The following DPP4 variants were observed in gnomAD, a reference collection of about 807,000 sequenced individuals.
The protein encoded by DPP4 is dipeptidyl peptidase 4.
Under a neutral mutation model 122.4 loss-of-function variants are expected in DPP4, and 93 were observed. The ratio of observed to expected loss-of-function variants is 0.76; its 90% CI spans 0.64 to 0.90. The LOEUF is 0.90. Among genes scored for constraint, DPP4 ranks in the 40% least tolerant of loss-of-function variants. DPP4 has a pLI of 0.00. For synonymous variants in DPP4, 321 were observed against 302.9 expected (o/e 1.06, Z -0.62); for missense variants, 914 against 907.3 (o/e 1.01, Z -0.09).
intron 10 of DPP4, chr2:162,032,374 T>C (rs998610127): frequency 6.6e-6 from 1 of 152,260 alleles, no homozygotes; most frequent in Non-Finnish European, 1.5e-5. Flanking sequence ...GAGTACTCAA[T>C]GTATGCTAGT....
At chr2:162,005,704 A>T in intron 23 of DPP4, 41 bp downstream of exon 23, 3 of 1,538,100 alleles carry the variant, frequency 2.0e-6, no homozygotes, top group Non-Finnish European at 2.7e-6. Flanking sequence ...TAAACCACTT[A>T]TAAATAGGTT....
chr2:162,052,942 G>A (rs780532490), intron 2 of DPP4, among the ~76,000 whole-genome samples: 1 of 152,178 alleles, frequency 6.6e-6, no homozygotes, highest in Admixed American at 6.5e-5. Flanking sequence ...AATTGTGTCT[G>A]TGCCCTTCTG....
chr2:162,029,396 C>T lies in DPP4; in HGVS notation c.887+4145G>A, dbSNP rs550958116. 2.0e-5 allele frequency among the ~76,000 whole-genome samples: 3 copies of T among 152,336 alleles called. No homozygotes were observed. In the East Asian group the frequency reaches 5.8e-4, roughly 29 times the overall value. On this transcript the variant is annotated intron_variant, in intron 10 of 25. Coordinates refer to ENST00000360534, the MANE Select transcript of DPP4 (RefSeq NM_001935.4). ...AAGCGGGCATACTGCCAGTGCTGGC[C>T]TCAGGCTCCATGCCACCCTCTGCTC... is the stretch of plus-strand genomic sequence containing the variant.
At chr2:162,026,141 TC>T (rs1400759641) in intron 10 of DPP4, among the ~76,000 whole-genome samples, 1 of 152,142 alleles carries the variant, frequency 6.6e-6, no homozygotes, top group Non-Finnish European at 1.5e-5. Flanking sequence ...CCATCTCCAC[TC>T]CCTTCGCAGA....
At chr2:162,001,386 A>G (rs1162665636) in intron 23 of DPP4, among the ~76,000 whole-genome samples, 2 of 152,198 alleles carry the variant, frequency 1.3e-5, no homozygotes, top group Admixed American at 6.5e-5. Flanking sequence ...CCCTCCCTAC[A>G]TGCTCCTAAG....
chr2:162,046,685 C>G (rs1043228953), intron 4 of DPP4: 8 of 592,128 alleles, frequency 1.4e-5, no homozygotes, highest in Non-Finnish European at 2.6e-5. Flanking sequence ...GAAGATGGAG[C>G]CCCAAGGAGC....
At chr2:162,017,692 C>G (rs879898240) in intron 16 of DPP4, 1 of 152,618 alleles carries the variant, frequency 6.6e-6, no homozygotes, top group Non-Finnish European at 1.5e-5. Flanking sequence ...GTGTTTTTCT[C>G]ACAAGCCCAT....
intron 10 of DPP4, among the ~76,000 whole-genome samples, chr2:162,026,561 T>C (rs1278501553): frequency 2.0e-5 from 3 of 152,156 alleles, no homozygotes. Flanking sequence ...GGTCTTGGCC[T>C]AAATGTCCCC....
rs201137953 is a variant in DPP4 at position 162,039,019 on chromosome 2, T to A, written c.422A>T (p.Gln141Leu). The change falls in exon 7 of 26, where the codon CAG (glutamine) becomes CTG (leucine). Residue 141 changes from glutamine (Q) to leucine (L), a missense_variant and splice_region_variant. Physicochemically the swap from Gln to Leu is moderately radical, Grantham distance 113. Transcript: ENST00000360534. ...SYDIYDLNKR[Q>L]LITEERIPNN... is the part of the protein sequence containing the mutation. ...TGGAATCCTCTCTTCTGTAATCAGCTGCCTGGAAAAAAGATGAAAGGAAAT... is the reference window on the plus strand; with the variant it reads ...TGGAATCCTCTCTTCTGTAATCAGCAGCCTGGAAAAAAGATGAAAGGAAAT... 5.0e-6 allele frequency: 8 copies of A among 1,613,366 alleles called. No individual in the cohort carries two copies. Among genetic ancestry groups the A allele is most frequent in the Non-Finnish European group, 6.8e-6 (8 of 1,179,466 alleles).
chr2:162,016,746 A>G (rs1290247446), intron 18 of DPP4, 22 bp downstream of exon 18: 6 of 1,570,704 alleles, frequency 3.8e-6, no homozygotes, highest in Non-Finnish European at 5.2e-6. Flanking sequence ...GAAAAGTACT[A>G]TTCCAAAGGA....
rs570235160 is a variant in DPP4, at chr2:162,073,739, G to T, written c.6+237C>A. On this transcript the variant is annotated intron_variant, in intron 1 of 25. Coordinates refer to ENST00000360534, the MANE Select transcript of DPP4 (RefSeq NM_001935.4). Reference sequence around the variant, plus strand: ...TACCCCTGCCCGGGTTCGGGCGTGCGTTCTGTGAGTGGCTCTCCGGGACAT... The same window carrying T: ...TACCCCTGCCCGGGTTCGGGCGTGCTTTCTGTGAGTGGCTCTCCGGGACAT... 6 of 702,808 alleles carry T rather than the reference G, an allele frequency of 8.5e-6. No homozygotes were observed. In the East Asian group the frequency reaches 1.4e-4, roughly 16 times the overall value. 43.5% of individuals were successfully genotyped at this position (702,808 alleles called of 1,614,324 possible).
At chr2:162,041,781 A>G (rs774461402) in intron 5 of DPP4, among the ~76,000 whole-genome samples, 40 of 152,170 alleles carry the variant, frequency 2.6e-4, no homozygotes, top group Non-Finnish European at 4.7e-4. Flanking sequence ...TTTGAAACAG[A>G]TTCATTATTC....
intron 23 of DPP4, among the ~76,000 whole-genome samples, chr2:162,003,049 T>G (rs139875215): frequency 1.3e-5 from 2 of 152,154 alleles, no homozygotes; most frequent in Non-Finnish European, 2.9e-5. Context: ...AACCTTTAGC[T>G]CCCTGGTACT....
In DPP4 at chr2:162,011,854, T is replaced by C. The variant is rs1559708179; in HGVS notation, c.1771A>G (p.Met591Val). 4 of 1,613,762 alleles carry C rather than the reference T, an allele frequency of 2.5e-6. No homozygotes were observed. Among genetic ancestry groups the C allele is most frequent in the Non-Finnish European group, 3.4e-6 (4 of 1,179,714 alleles). ...RGSGYQGDKIMHAINRRLGTF... is the reference protein window; with the variant it reads ...RGSGYQGDKIVHAINRRLGTF... ...CCCAGTCTTCTGTTGATTGCATGCA[T>C]GATCTTATCTCCTTGGTAACCACTT... Residue 591 changes from methionine to valine, a missense_variant, in exon 20 of 26, where the codon ATG (methionine) becomes GTG (valine). Physicochemically the swap from Met to Val is conservative, Grantham distance 21. Transcript: ENST00000360534.
intron 2 of DPP4, among the ~76,000 whole-genome samples, chr2:162,068,338 A>G (rs1470009367): frequency 2.0e-5 from 3 of 152,258 alleles, no homozygotes; most frequent in African/African-American, 7.2e-5. Context: ...ACAAGCTGAC[A>G]GAATGATATG....
chr2:162,073,757 C>T (rs900187952), intron 1 of DPP4, among the ~76,000 whole-genome samples: 6 of 152,154 alleles, frequency 3.9e-5, no homozygotes, highest in African/African-American at 1.4e-4. Context: ...AGTGGCTCTC[C>T]GGGACATTCA....
intron 10 of DPP4, 41 bp downstream of exon 10, chr2:162,033,500 A>G: frequency 6.6e-7 from 1 of 1,525,660 alleles, no homozygotes; most frequent in South Asian, 1.2e-5. Context: ...TAGAAAGTGT[A>G]AAACTGTTTA....
At chr2:162,007,135 G>T (rs1358327122) in intron 22 of DPP4, among the ~76,000 whole-genome samples, 1 of 151,784 alleles carries the variant, frequency 6.6e-6, no homozygotes, top group Admixed American at 6.6e-5. Context: ...ATATTTAAAG[G>T]ACACTAATAT....
chr2:162,067,979 C>T (rs540433836), intron 2 of DPP4, among the ~76,000 whole-genome samples: 5 of 152,118 alleles, frequency 3.3e-5, no homozygotes, highest in African/African-American at 7.2e-5. Flanking sequence ...TAAACTTTCA[C>T]GTGTAAAAAG....
Sources: gnomAD v4.1 joint callset for allele counts (sites outside exome capture counted in the v4.1 genomes callset) on GRCh38, gnomAD v4.1.1 for gene constraint, MANE v1.5 for transcripts, NCBI Gene and HGNC (gene_info 2026-07-23, HGNC 2026-07-21) for gene names.